Variants in ARHGAP32 observed in about 807,000 individuals in gnomAD.
ARHGAP32 encodes rho GTPase-activating protein 32.
In ARHGAP32, 51 loss-of-function variants were observed where a neutral mutation model predicts 186.5. That is an observed-to-expected ratio of 0.27 (90% CI 0.22 to 0.35). The LOEUF is 0.35. Among genes scored for constraint, ARHGAP32 ranks in the 10% least tolerant of loss-of-function variants. The pLI, the probability that ARHGAP32 is intolerant of heterozygous loss-of-function variation, is 1.00. For missense variants in ARHGAP32, 2,186 were observed against 2,623.5 expected (o/e 0.83, Z 3.64); for synonymous variants, 950 against 964.3 (o/e 0.99, Z 0.27).
rs1591585712 is a variant in ARHGAP32, at chr11:129,068,658, G to A, written c.532-1790C>T. Among the ~76,000 whole-genome samples, 4 of 152,084 alleles carry A rather than the reference G, an allele frequency of 2.6e-5. No individual in the cohort carries two copies. In the Middle Eastern group the frequency reaches 0.014, roughly 517 times the overall value. On this transcript the variant is annotated intron_variant, in intron 6 of 22. Transcript: ENST00000682385. Reference sequence around the variant, plus strand: ...TTCCCTTGATTATGAGTGAAGCTTAGCATCTTTTCATTTGTTATTAAGATT... The same window carrying A: ...TTCCCTTGATTATGAGTGAAGCTTAACATCTTTTCATTTGTTATTAAGATT...
At chr11:129,184,010 A>T (rs1347183274) in intron 1 of ARHGAP32, among the ~76,000 whole-genome samples, 1 of 152,168 alleles carries the variant, frequency 6.6e-6, no homozygotes, top group Non-Finnish European at 1.5e-5. Context: ...AGACTTTGAT[A>T]CACTTCTGAA....
chr11:129,179,593 A>C (rs1460560653), intron 1 of ARHGAP32, among the ~76,000 whole-genome samples: 1 of 151,642 alleles, frequency 6.6e-6, no homozygotes, highest in Non-Finnish European at 1.5e-5. Flanking sequence ...GCACATATAC[A>C]CCATGGAATA....
chr11:129,243,043 C>T (rs1945040733), intron 1 of ARHGAP32, among the ~76,000 whole-genome samples: 2 of 152,164 alleles, frequency 1.3e-5, no homozygotes, highest in African/African-American at 2.4e-5. Flanking sequence ...AGCCACCCAA[C>T]TCCCTCAACT....
At chr11:129,116,777 A>C (rs1226913920) in intron 5 of ARHGAP32, among the ~76,000 whole-genome samples, 3 of 152,010 alleles carry the variant, frequency 2.0e-5, no homozygotes, top group African/African-American at 7.2e-5. Context: ...AATCCTGACA[A>C]CACTGTCCTT....
intron 6 of ARHGAP32, among the ~76,000 whole-genome samples, chr11:129,067,611 TCACACCG>T (rs1244878022): frequency 6.6e-6 from 1 of 151,792 alleles, no homozygotes; most frequent in East Asian, 1.9e-4. Flanking sequence ...GTTTATCAGC[TCACACCG>T]CAACAACAAC....
At chr11:129,249,680 A>G in intron 1 of ARHGAP32, among the ~76,000 whole-genome samples, 1 of 152,200 alleles carries the variant, frequency 6.6e-6, no homozygotes. Flanking sequence ...CATAAACTAG[A>G]TCAAGTTTAT....
chr11:128,987,825 G>A, intron 13 of ARHGAP32, among the ~76,000 whole-genome samples, 198 bp downstream of exon 13: 1 of 152,030 alleles, frequency 6.6e-6, no homozygotes, highest in East Asian at 1.9e-4. Context: ...AGAGATTAAG[G>A]TGCATGGTTC....
chr11:129,204,235 C>T (rs1195537658), intron 1 of ARHGAP32, among the ~76,000 whole-genome samples: 2 of 151,736 alleles, frequency 1.3e-5, no homozygotes, highest in Non-Finnish European at 2.9e-5. Context: ...TAACCATATT[C>T]CTGCTCACCG....
At chr11:129,007,411 G>A (rs957676962) in intron 11 of ARHGAP32, among the ~76,000 whole-genome samples, 1 of 151,878 alleles carries the variant, frequency 6.6e-6, no homozygotes, top group African/African-American at 2.4e-5. Context: ...TTCAGGGTCC[G>A]AGGGCTTGTT....
At chr11:129,118,549 A>C (rs1413613825) in intron 5 of ARHGAP32, among the ~76,000 whole-genome samples, 1 of 152,040 alleles carries the variant, frequency 6.6e-6, no homozygotes, top group Non-Finnish European at 1.5e-5. Context: ...AGAAAATATA[A>C]ATGATAAAAA....
intron 1 of ARHGAP32, among the ~76,000 whole-genome samples, chr11:129,181,233 A>G (rs1250034622): frequency 6.6e-6 from 1 of 152,194 alleles, no homozygotes; most frequent in Non-Finnish European, 1.5e-5. Flanking sequence ...GGTGGCAACA[A>G]TGGCTGGAAG....
chr11:129,130,185 C>T (rs1251263416), intron 2 of ARHGAP32, among the ~76,000 whole-genome samples: 2 of 151,990 alleles, frequency 1.3e-5, no homozygotes, highest in Admixed American at 6.6e-5. Context: ...AAGGCCCACA[C>T]GTATACGATA....
At chr11:129,272,862 G>A (rs147734377) in intron 1 of ARHGAP32, among the ~76,000 whole-genome samples, 45 of 152,316 alleles carry the variant, frequency 3.0e-4, no homozygotes, top group African/African-American at 9.6e-4. Flanking sequence ...AGGGTTATCC[G>A]TTGATTGCAT....
chr11:129,149,395 C>T (rs1406088103), intron 2 of ARHGAP32, among the ~76,000 whole-genome samples: 1 of 152,180 alleles, frequency 6.6e-6, no homozygotes, highest in African/African-American at 2.4e-5. Context: ...CACTCCCCTG[C>T]CACCTCCATC....
chr11:129,123,373 T>G lies in ARHGAP32; in HGVS notation c.444+73A>C. On this transcript the variant is annotated intron_variant, in intron 5 of 22. Coordinates refer to ENST00000682385, the MANE Select transcript of ARHGAP32 (RefSeq NM_001378024.1). This position sits in a 1 kb window ranked among gnomAD's most constrained non-coding sequence, Gnocchi z 4.6. ...AAGTGTCATCTATTAGATACAGATA[T>G]ATAGATAAGCATCTAGATATAAAGG... 7.9e-7 allele frequency: 1 copy of G among 1,267,626 alleles called. No homozygotes were observed. Among genetic ancestry groups the G allele is most frequent in the Non-Finnish European group, 1.1e-6 (1 of 886,056 alleles). 78.5% of individuals were successfully genotyped at this position (1,267,626 alleles called of 1,614,324 possible).
At position 129,264,415 on chromosome 11, in the gene ARHGAP32, T is replaced by C. The variant is rs577495445; in HGVS notation, c.-5+14731A>G. Among the ~76,000 whole-genome samples the C allele has an allele frequency of 4.6e-5, 7 of 152,302 alleles. No homozygotes were observed. In the East Asian group the frequency reaches 1.3e-3, roughly 29 times the overall value. ...TGTATATTTTACTGCAATAAAAATA[T>C]CACTATAAGTAACTACCTCATGGGG... On this transcript the variant is annotated intron_variant, in intron 1 of 6. Transcript: ENST00000525234.
intron 1 of ARHGAP32, among the ~76,000 whole-genome samples, chr11:129,262,571 G>A (rs1015389720): frequency 2.6e-5 from 4 of 151,714 alleles, no homozygotes; most frequent in Admixed American, 6.6e-5. Flanking sequence ...TTTTTTAGTA[G>A]ACAGGGTTTC....
chr11:129,275,136 T>C (rs753598066), intron 1 of ARHGAP32, among the ~76,000 whole-genome samples: 24 of 152,304 alleles, frequency 1.6e-4, no homozygotes, highest in Middle Eastern at 6.8e-3. Flanking sequence ...TAACTAAGTT[T>C]CAGCAAAGGA....
intron 2 of ARHGAP32, among the ~76,000 whole-genome samples, chr11:129,130,923 T>C (rs370260397): frequency 2.0e-4 from 30 of 152,126 alleles, no homozygotes; most frequent in African/African-American, 7.2e-4. Context: ...CCACTAAAAA[T>C]AGAAACATTA....
Sources: allele counts gnomAD v4.1 joint callset (sites outside exome capture counted in the v4.1 genomes callset), GRCh38; gene constraint gnomAD v4.1.1; non-coding constraint Gnocchi (gnomAD v3.1); transcripts MANE v1.5; gene names NCBI Gene and HGNC (gene_info 2026-07-23, HGNC 2026-07-21).